The following KDM7A variants were observed in gnomAD, a reference collection of about 807,000 sequenced individuals.
KDM7A encodes lysine demethylase 7A.
A neutral mutation model predicts 114.8 loss-of-function variants in KDM7A; 28 were observed. The observed-to-expected ratio is 0.24, with a 90% confidence interval of 0.18 to 0.33. KDM7A has a LOEUF of 0.33. Among genes scored for constraint, KDM7A ranks in the 10% least tolerant of loss-of-function variants. The probability of loss-of-function intolerance (pLI) is 1.00; values close to 1 mark genes in which losing one functional copy is unlikely to be tolerated. For missense variants in KDM7A, 942 were observed against 1,142.5 expected (o/e 0.82, Z 2.53); for synonymous variants, 423 against 397.8 (o/e 1.06, Z -0.75).
chr7:140,091,079 G>C lies in KDM7A; in HGVS notation c.*15C>G. 6.3e-7 allele frequency: 1 copy of C among 1,590,902 alleles called. No individual in the cohort carries two copies. The highest frequency in any genetic ancestry group is 8.6e-7 in the Non-Finnish European group (1 of 1,158,674). On this transcript the variant is annotated 3_prime_UTR_variant, in exon 20 of 20. Coordinates refer to ENST00000397560, the MANE Select transcript of KDM7A (RefSeq NM_030647.2). ...CTGGTCTCCAAAGGGAAGAATGGCT[G>C]CAACAGCAGCTCTGTCACACAAAGA...
intron 1 of KDM7A, among the ~76,000 whole-genome samples, chr7:140,161,605 TGGC>T (rs1794519837): frequency 2.6e-5 from 4 of 152,150 alleles, no homozygotes; most frequent in Admixed American, 2.6e-4. Flanking sequence ...TGGAGTGCTG[TGGC>T]GTGATCTCGG....
At chr7:140,108,757 C>T (rs1818385225) in intron 11 of KDM7A, among the ~76,000 whole-genome samples, 1 of 152,238 alleles carries the variant, frequency 6.6e-6, no homozygotes, top group African/African-American at 2.4e-5. Context: ...GTTCTCAGAT[C>T]TCAAGCTGTG....
At chr7:140,135,414 G>A (rs972546984) in intron 2 of KDM7A, among the ~76,000 whole-genome samples, 7 of 152,002 alleles carry the variant, frequency 4.6e-5, no homozygotes, top group East Asian at 1.9e-4. Flanking sequence ...TGTTGGCCAG[G>A]ATGGTCTCGA....
chr7:140,128,298 A>C (rs1406494316), intron 4 of KDM7A, among the ~76,000 whole-genome samples: 3 of 152,232 alleles, frequency 2.0e-5, no homozygotes, highest in Non-Finnish European at 4.4e-5. Flanking sequence ...CTATGGGATA[A>C]GGTAGAATTC....
At chr7:140,119,463 T>C (rs1230652195) in intron 8 of KDM7A, among the ~76,000 whole-genome samples, 1 of 152,236 alleles carries the variant, frequency 6.6e-6, no homozygotes, top group Non-Finnish European at 1.5e-5. Context: ...GATCACACTT[T>C]GGGATTTGTA....
chr7:140,118,747 A>T (rs1274527902), intron 9 of KDM7A, among the ~76,000 whole-genome samples: 4 of 152,156 alleles, frequency 2.6e-5, no homozygotes, highest in African/African-American at 7.2e-5. Context: ...AATTTTGGGA[A>T]CATATAATAG....
intron 1 of KDM7A, among the ~76,000 whole-genome samples, chr7:140,171,852 T>C (rs1166589743): frequency 6.6e-6 from 1 of 152,030 alleles, no homozygotes; most frequent in Non-Finnish European, 1.5e-5. Context: ...TGTGCATCCA[T>C]AGTGTATTCT....
At chr7:140,125,567 CTTTTG>C (rs777000121) in intron 6 of KDM7A, among the ~76,000 whole-genome samples, 6 of 152,102 alleles carry the variant, frequency 3.9e-5, no homozygotes, top group Non-Finnish European at 8.8e-5. Context: ...AATAACTGGT[CTTTTG>C]TTTTGTTTTT....
chr7:140,161,221 G>A (rs1479490646), intron 1 of KDM7A, among the ~76,000 whole-genome samples: 3 of 152,198 alleles, frequency 2.0e-5, no homozygotes, highest in Admixed American at 6.5e-5. Context: ...GACAAGTGAG[G>A]CACTCTGGCA....
intron 1 of KDM7A, among the ~76,000 whole-genome samples, chr7:140,144,623 GA>G (rs1223994044): frequency 6.6e-6 from 1 of 152,064 alleles, no homozygotes; most frequent in Admixed American, 6.5e-5. Flanking sequence ...GTGATCTGTA[GA>G]ACGAAAGACT....
chr7:140,138,964 T>C (rs1585157507), intron 2 of KDM7A, 141 bp downstream of exon 2: 1 of 527,812 alleles, frequency 1.9e-6, no homozygotes, highest in Non-Finnish European at 3.3e-6. Flanking sequence ...CCTAAATACC[T>C]TGAGCAAAAT....
At position 140,139,091 on chromosome 7, in the gene KDM7A, C is replaced by T. The variant is rs750407981; in HGVS notation, c.280+14G>A. ...TCTGAAATGTCCATTTTTATTTAAGCATCTAGTACTTACTCAAGGAGGAAC... is the reference window on the plus strand; with the variant it reads ...TCTGAAATGTCCATTTTTATTTAAGTATCTAGTACTTACTCAAGGAGGAAC... On this transcript the variant is annotated intron_variant, in intron 2 of 19. Coordinates refer to ENST00000397560, the MANE Select transcript of KDM7A (RefSeq NM_030647.2). 6.5e-6 allele frequency: 10 copies of T among 1,543,644 alleles called. No homozygotes were observed. In the East Asian group the frequency reaches 2.3e-4, roughly 35 times the overall value.
chr7:140,167,584 A>G (rs1794592794), intron 1 of KDM7A, among the ~76,000 whole-genome samples: 1 of 152,114 alleles, frequency 6.6e-6, no homozygotes, highest in African/African-American at 2.4e-5. Flanking sequence ...AAAAAATTCT[A>G]TTTATATTTC....
rs1388950679 is a variant in KDM7A at position 140,087,344 on chromosome 7, C to T, written c.*3750G>A. ...ACGTACTTGAGGATACACATTCTCA[C>T]TCTCTTATCCATAAACAACTTCATT... On this transcript the variant is annotated 3_prime_UTR_variant, in exon 20 of 20. Transcript: ENST00000397560. The T allele has an allele frequency of 6.6e-6, 1 of 152,212 alleles. No homozygotes were observed. 9.4% of individuals were successfully genotyped at this position (152,212 alleles called of 1,614,324 possible).
rs912587640 is a variant in KDM7A, at chr7:140,088,291, T to C, written c.*2803A>G. The stretch of plus-strand genomic sequence containing the variant: ...CTCATCAATATTGAAAAGCATAATA[T>C]TATGTGACATTGTAAATTATAATCC... On this transcript the variant is annotated 3_prime_UTR_variant, in exon 20 of 20. Coordinates refer to ENST00000397560, the MANE Select transcript of KDM7A (RefSeq NM_030647.2). The C allele has an allele frequency of 2.4e-5, 9 of 380,874 alleles. No individual in the cohort carries two copies. Among genetic ancestry groups the C allele is most frequent in the Middle Eastern group, 6.6e-4 (1 of 1,504 alleles). 23.6% of individuals were successfully genotyped at this position (380,874 alleles called of 1,614,324 possible). A position where few individuals can be genotyped will look rare whatever the true frequency, so the allele number is the denominator to read the frequency against.
At chr7:140,146,879 C>T (rs1002834856) in intron 1 of KDM7A, among the ~76,000 whole-genome samples, 4 of 152,146 alleles carry the variant, frequency 2.6e-5, no homozygotes, top group African/African-American at 9.7e-5. Flanking sequence ...CAAACGTTCT[C>T]TTTTTTCCTC....
At chr7:140,139,048 G>C (rs1181710110) in intron 2 of KDM7A, 57 bp downstream of exon 2, 4 of 1,112,326 alleles carry the variant, frequency 3.6e-6, no homozygotes, top group Middle Eastern at 2.0e-4. Context: ...GTACATGTAA[G>C]TTTGAAATGT....
chr7:140,158,256 CCA>C (rs905610226), intron 1 of KDM7A, among the ~76,000 whole-genome samples: 1 of 152,156 alleles, frequency 6.6e-6, no homozygotes, highest in African/African-American at 2.4e-5. Flanking sequence ...GTTAAAAGCA[CCA>C]CTCTGGCTTC....
intron 10 of KDM7A, among the ~76,000 whole-genome samples, chr7:140,112,411 A>C (rs1266853354): frequency 6.6e-6 from 1 of 152,150 alleles, no homozygotes. Context: ...GGAGCTCAAG[A>C]CCAGCCTGGC....
Sources: gnomAD v4.1 joint callset for allele counts (sites outside exome capture counted in the v4.1 genomes callset) on GRCh38, gnomAD v4.1.1 for gene constraint, MANE v1.5 for transcripts, NCBI Gene and HGNC (gene_info 2026-07-23, HGNC 2026-07-21) for gene names.